The following NPDC1 variants were observed in gnomAD, a reference collection of about 807,000 sequenced individuals.
NPDC1 encodes neural proliferation, differentiation and control 1.
A neutral mutation model predicts 32.5 loss-of-function variants in NPDC1; 18 were observed. The ratio of observed to expected loss-of-function variants is 0.55; its 90% CI spans 0.38 to 0.82. The LOEUF is 0.82. Ranked by LOEUF, NPDC1 falls within the 40% of genes least tolerant of loss-of-function variation. NPDC1 has a pLI of 0.00. For synonymous variants in NPDC1, 210 were observed against 184.7 expected (o/e 1.14, Z -1.11); for missense variants, 468 against 406.6 (o/e 1.15, Z -1.30).
chr9:137,044,416 TACCCC>T (rs1357226675), intron 1 of NPDC1, among the ~76,000 whole-genome samples: 1 of 152,178 alleles, frequency 6.6e-6, no homozygotes, highest in Non-Finnish European at 1.5e-5. Context: ...CCTGTGCTGA[TACCCC>T]ACCGTCCACC....
chr9:137,040,107 G>A (rs1393416499), intron 7 of NPDC1, 40 bp from the exon 8 acceptor site: 3 of 764,710 alleles, frequency 3.9e-6, no homozygotes, highest in Admixed American at 1.7e-5. Flanking sequence ...CCATGCCCTC[G>A]AGGTGCCAGT....
In NPDC1 at chr9:137,040,726, C is replaced by A; in HGVS notation, c.568G>T (p.Ala190Ser). 4 of 1,589,862 alleles carry A rather than the reference C, an allele frequency of 2.5e-6. No homozygotes were observed. The highest frequency in any genetic ancestry group is 3.4e-6 in the Non-Finnish European group (4 of 1,173,624). The change falls in exon 5 of 9, where the codon GCG (alanine) becomes TCG (serine). Residue 190 changes from alanine (A) to serine (S), a missense_variant. By Grantham distance (99) the Ala-to-Ser change is moderately conservative (BLOSUM62 1). Coordinates refer to ENST00000371601, the MANE Select transcript of NPDC1 (RefSeq NM_015392.4). ...GCGGCTGCACCGGCCACACAGAACG[C>A]CAGGATCAGCACTGCAGGAGGGGGC... ...GDGLALVLIL[A>S]FCVAGAAALS...
Position 137,039,623 on chromosome 9 carries a change from T to A in NPDC1, c.*149A>T. Reference sequence around the variant, plus strand: ...GTCCTGGCACAAAGGTTCGGGGGTCTCCCTGGCAAGGGGTCCCAGGGCCTG... The same window carrying A: ...GTCCTGGCACAAAGGTTCGGGGGTCACCCTGGCAAGGGGTCCCAGGGCCTG... On this transcript the variant is annotated 3_prime_UTR_variant, in exon 9 of 9. Transcript: ENST00000371601. 1.7e-6 allele frequency: 1 copy of A among 591,660 alleles called. No individual in the cohort carries two copies. Among genetic ancestry groups the A allele is most frequent in the Non-Finnish European group, 3.0e-6 (1 of 332,318 alleles). 36.7% of individuals were successfully genotyped at this position (591,660 alleles called of 1,614,324 possible).
At chr9:137,043,210 A>T in intron 1 of NPDC1, 137 bp from the exon 2 acceptor site, 1 of 977,630 alleles carries the variant, frequency 1.0e-6, no homozygotes, top group Non-Finnish European at 1.6e-6. Flanking sequence ...TGTTCTGGAC[A>T]TGCCCTTCCT....
In NPDC1 at chr9:137,045,256, C is replaced by T. The variant is rs150270021; in HGVS notation, c.112+622G>A. Among the ~76,000 whole-genome samples the T allele has an allele frequency of 6.6e-5, 10 of 152,368 alleles. No homozygotes were observed. The East Asian group carries it at 1.2e-3, about 18-fold the overall frequency. ...AGTCCCAAAGACAGAATGCCAGTGCCCTCGAGGGCAGGGGATGCAGGCGGA... is the reference window on the plus strand; with the variant it reads ...AGTCCCAAAGACAGAATGCCAGTGCTCTCGAGGGCAGGGGATGCAGGCGGA... On this transcript the variant is annotated intron_variant, in intron 1 of 8. Transcript: ENST00000371601.
chr9:137,040,200 G>A (rs1832024840), intron 7 of NPDC1, 133 bp from the exon 8 acceptor site: 1 of 742,660 alleles, frequency 1.3e-6, no homozygotes, highest in East Asian at 2.7e-5. Context: ...TTGGCCAGGG[G>A]AGGTGAGGGT....
intron 1 of NPDC1, among the ~76,000 whole-genome samples, 160 bp downstream of exon 1, chr9:137,045,718 T>C (rs1353605116): frequency 2.0e-5 from 3 of 151,740 alleles, no homozygotes; most frequent in Non-Finnish European, 4.4e-5. Context: ...GCCTGTTTAT[T>C]CCATCGTGGG....
At chr9:137,045,448 G>A (rs1832115595) in intron 1 of NPDC1, among the ~76,000 whole-genome samples, 1 of 152,230 alleles carries the variant, frequency 6.6e-6, no homozygotes, top group African/African-American at 2.4e-5. Flanking sequence ...CCCCGACCCC[G>A]GGACGCGCAC....
intron 1 of NPDC1, among the ~76,000 whole-genome samples, chr9:137,044,944 A>C (rs1327804197): frequency 6.6e-6 from 1 of 152,246 alleles, no homozygotes; most frequent in Non-Finnish European, 1.5e-5. Context: ...CAGGCTGCCC[A>C]GGACAGCGCC....
rs1201987956 is a variant in NPDC1 at position 137,042,414 on chromosome 9, C to T, written c.259+513G>A. ...GACTACAGGCGCCCGCCGCCACGCC[C>T]GGCTAATTTTGTTTTTGTATTTTTA... On this transcript the variant is annotated intron_variant, in intron 2 of 8. Transcript: ENST00000371601. Among the ~76,000 whole-genome samples, 13 of 152,126 alleles carry T rather than the reference C, an allele frequency of 8.5e-5. No homozygotes were observed. In the South Asian group the frequency reaches 1.5e-3, roughly 17 times the overall value.
chr9:137,041,176 G>T lies in NPDC1; in HGVS notation c.271C>A (p.Pro91Thr), dbSNP rs1832045882. ...ATCTCATCTTCCAGTCTGGGCTGGG[G>T]CCGGCCCCCGCCTGGGGAGGGTGAG... ...RMRRPPGGGRPQPRLEDEIDF... is the reference protein window; with the variant it reads ...RMRRPPGGGRTQPRLEDEIDF... The change falls in exon 3 of 9, where the codon CCC (proline) becomes ACC (threonine). Residue 91 changes from proline to threonine, a missense_variant. Transcript: ENST00000371601. 6.9e-7 allele frequency: 1 copy of T among 1,445,800 alleles called. No homozygotes were observed. Among genetic ancestry groups the T allele is most frequent in the East Asian group, 2.6e-5 (1 of 38,990 alleles). 89.6% of individuals were successfully genotyped at this position (1,445,800 alleles called of 1,614,324 possible).
chr9:137,041,715 C>G (rs1481586186), intron 2 of NPDC1, among the ~76,000 whole-genome samples: 1 of 152,078 alleles, frequency 6.6e-6, no homozygotes, highest in African/African-American at 2.4e-5. Context: ...GAGGTGCATC[C>G]ACACAGACCC....
At chr9:137,041,889 C>T (rs1347465081) in intron 2 of NPDC1, among the ~76,000 whole-genome samples, 1 of 152,256 alleles carries the variant, frequency 6.6e-6, no homozygotes, top group African/African-American at 2.4e-5. Context: ...ATCCCCAGCA[C>T]CCAGCCAGTG....
chr9:137,041,083 G>A lies in NPDC1; in HGVS notation c.364C>T (p.Arg122Ter). ...GHSTPPLPKD[R>*]QRLPEPATLG... The stretch of plus-strand genomic sequence containing the variant: ...TCACCAGGCTCCGGGAGCCGCTGTC[G>A]GTCCTTGGGTAGGGGCGGAGTTGAG... Residue 122 changes from arginine to a stop codon, truncating the protein, a stop_gained, in exon 3 of 9, where the codon CGA becomes TGA. Coordinates refer to ENST00000371601, the MANE Select transcript of NPDC1 (RefSeq NM_015392.4). LOFTEE classifies it high-confidence loss of function. 1 of 1,527,276 alleles carries A rather than the reference G, an allele frequency of 6.5e-7. No individual in the cohort carries two copies. Among genetic ancestry groups the A allele is most frequent in the Non-Finnish European group, 8.8e-7 (1 of 1,139,610 alleles). 94.6% of individuals were successfully genotyped at this position (1,527,276 alleles called of 1,614,324 possible).
chr9:137,040,548 T>C lies in NPDC1; in HGVS notation c.674A>G (p.Lys225Arg), dbSNP rs1454293296. ...GGGAGCTGCAGGTGAGCCAGGGGCC[T>C]TCGCAGTGGCGTAGTCGGCCTTCTG... ...LTQKADYATAKAPGSPAAPRI... is the reference protein window; with the variant it reads ...LTQKADYATARAPGSPAAPRI... The change falls in exon 6 of 9, where the codon AAG becomes AGG. Residue 225 changes from lysine (K) to arginine (R), a missense_variant. Coordinates refer to ENST00000371601, the MANE Select transcript of NPDC1 (RefSeq NM_015392.4). The C allele has an allele frequency of 1.3e-6, 2 of 1,588,242 alleles. No homozygotes were observed. The highest frequency in any genetic ancestry group is 8.5e-7 in the Non-Finnish European group (1 of 1,173,178).
At position 137,042,974 on chromosome 9, in the gene NPDC1, T is replaced by C. The variant is rs760830401; in HGVS notation, c.212A>G (p.Gln71Arg). 4 of 1,612,150 alleles carry C rather than the reference T, an allele frequency of 2.5e-6. No individual in the cohort carries two copies. The highest frequency in any genetic ancestry group is 1.7e-6 in the Non-Finnish European group (2 of 1,179,454). Residue 71 changes from glutamine to arginine, a missense_variant, in exon 2 of 9, where the codon CAG becomes CGG. Transcript: ENST00000371601. ...CACACAGAGCCCTTGCTGGTCCTCC[T>C]GGAAGGGCTGAAGGCAGGGCCCACA... ...HACGPCLQPF[Q>R]EDQQGLCVPR...
Position 137,040,530 on chromosome 9 carries a change from G to A in NPDC1, c.692C>T (p.Ala231Val), listed in dbSNP as rs372222723. 15 of 1,590,160 alleles carry A rather than the reference G, an allele frequency of 9.4e-6. No homozygotes were observed. Among genetic ancestry groups the A allele is most frequent in the African/African-American group, 1.3e-5 (1 of 74,564 alleles). Residue 231 changes from alanine (A) to valine (V), a missense_variant, in exon 6 of 9, where the codon GCA becomes GTA. By Grantham distance (64) the Ala-to-Val change is moderately conservative. Coordinates refer to ENST00000371601, the MANE Select transcript of NPDC1 (RefSeq NM_015392.4). ...YATAKAPGSP[A>V]APRISPGDQR... Reference sequence around the variant, plus strand: ...GCCACACACCGAGATCCGGGGAGCTGCAGGTGAGCCAGGGGCCTTCGCAGT... The same window carrying A: ...GCCACACACCGAGATCCGGGGAGCTACAGGTGAGCCAGGGGCCTTCGCAGT...
Position 137,039,777 on chromosome 9 carries a change from G to A in NPDC1, c.973C>T (p.Pro325Ser). ...LPAPSSPPAL[P>S] is the part of the protein sequence containing the mutation. ...GGCGTCTGTCTGCCTCCAGGTCATG[G>A]CAGTGCAGGCGGTGAGCTGGGGGCC... The change falls in exon 9 of 9, where the codon CCA becomes TCA. Residue 325 changes from proline (P) to serine (S), a missense_variant. Physicochemically the swap from Pro to Ser is moderately conservative, Grantham distance 74. Coordinates refer to ENST00000371601, the MANE Select transcript of NPDC1 (RefSeq NM_015392.4). 2.6e-6 allele frequency: 2 copies of A among 772,466 alleles called. No homozygotes were observed. The highest frequency in any genetic ancestry group is 2.4e-5 in the East Asian group (1 of 41,072). The allele number at this position is 772,466 out of a possible 1,614,324, so 47.9% of individuals were successfully genotyped here.
rs1832125687 is a variant in NPDC1 at position 137,046,080 on chromosome 9, C to T, written c.-91G>A. Reference sequence around the variant, plus strand: ...TCCGCGTCGGGAGCAGCGGAGGCAGCGGGGGAGGACGCAGGAGGAAGAAGA... The same window carrying T: ...TCCGCGTCGGGAGCAGCGGAGGCAGTGGGGGAGGACGCAGGAGGAAGAAGA... On this transcript the variant is annotated 5_prime_UTR_variant, in exon 1 of 9. Coordinates refer to ENST00000371601, the MANE Select transcript of NPDC1 (RefSeq NM_015392.4). The T allele has an allele frequency of 8.2e-6, 9 of 1,097,632 alleles. No individual in the cohort carries two copies. Among genetic ancestry groups the T allele is most frequent in the Non-Finnish European group, 1.0e-5 (9 of 901,052 alleles). The allele number at this position is 1,097,632 out of a possible 1,614,324, so 68.0% of individuals were successfully genotyped here.
Sources: allele counts gnomAD v4.1 joint callset (sites outside exome capture counted in the v4.1 genomes callset), GRCh38; gene constraint gnomAD v4.1.1; transcripts MANE v1.5; gene names NCBI Gene and HGNC (gene_info 2026-07-23, HGNC 2026-07-21).